The following RIPK4 variants were observed in gnomAD, a reference collection of about 807,000 sequenced individuals.
RIPK4 encodes the protein receptor interacting serine/threonine kinase 4.
RIPK4 carries 17 observed loss-of-function variants against 42.9 expected under a neutral mutation model. The observed-to-expected ratio is 0.40, with a 90% CI of 0.27 to 0.59. The LOEUF is 0.59. RIPK4 is among the 20% of genes least tolerant of loss of function. The probability of loss-of-function intolerance (pLI) is 0.47; values close to 1 mark genes in which losing one functional copy is unlikely to be tolerated. For missense variants in RIPK4, 897 were observed against 1,104.4 expected (o/e 0.81, Z 2.66); for synonymous variants, 498 against 499.1 (o/e 1.00, Z 0.03).
At chr21:41,749,076 A>C in intron 4 of RIPK4, 78 bp downstream of exon 4, 2 of 1,468,444 alleles carry the variant, frequency 1.4e-6, no homozygotes. Flanking sequence ...GTTTTAGGAT[A>C]GAGAAAGGAC....
At chr21:41,750,194 G>T (rs899502528) in intron 3 of RIPK4, among the ~76,000 whole-genome samples, 18 of 152,168 alleles carry the variant, frequency 1.2e-4, no homozygotes, top group African/African-American at 3.9e-4. Flanking sequence ...TGCTGGCGGC[G>T]GCAGTGACCA....
rs1285422997 is a variant in RIPK4, at chr21:41,742,540, G to C, written c.1196-543C>G. Among the ~76,000 whole-genome samples, 1 of 152,178 alleles carries C rather than the reference G, an allele frequency of 6.6e-6. No individual in the cohort carries two copies. Among genetic ancestry groups the C allele is most frequent in the Non-Finnish European group, 1.5e-5 (1 of 68,040 alleles). ...TTTCTATGATAATCCTGAAGGGACC[G>C]AGCTTCTCGTTTCAGGAGGACGTTA... On this transcript the variant is annotated intron_variant, in intron 7 of 7. Coordinates refer to ENST00000332512, the MANE Select transcript of RIPK4 (RefSeq NM_020639.3). The surrounding 1 kb of genome is among the most constrained non-coding windows in gnomAD (Gnocchi z 5.1).
intron 1 of RIPK4, among the ~76,000 whole-genome samples, chr21:41,759,324 C>G (rs903853567): frequency 6.6e-6 from 1 of 152,062 alleles, no homozygotes; most frequent in Non-Finnish European, 1.5e-5. Flanking sequence ...AACTCCTAGG[C>G]TCAAGTGATT....
chr21:41,765,686 C>T (rs1027980169), intron 1 of RIPK4, among the ~76,000 whole-genome samples: 3 of 152,210 alleles, frequency 2.0e-5, no homozygotes, highest in Admixed American at 6.5e-5. Context: ...ACCAGGTCTG[C>T]CAGGCAGCAA....
intron 1 of RIPK4, among the ~76,000 whole-genome samples, chr21:41,758,035 T>C (rs561797494): frequency 1.0e-5 from 1 of 97,292 alleles, no homozygotes; most frequent in Non-Finnish European, 1.9e-5. Context: ...TATATATATA[T>C]ATATATAGAG....
intron 3 of RIPK4, 99 bp downstream of exon 3, chr21:41,750,998 C>T (rs2061186740): frequency 8.9e-6 from 13 of 1,463,150 alleles, no homozygotes; most frequent in Non-Finnish European, 1.2e-5. Context: ...TTCTGACTGG[C>T]AGCAAGAGGC....
At chr21:41,758,076 A>AGAGAGAGAGAGAGAGAG in intron 1 of RIPK4, among the ~76,000 whole-genome samples, 1 of 139,098 alleles carries the variant, frequency 7.2e-6, no homozygotes, top group South Asian at 2.3e-4. Flanking sequence ...AGAGAGAGAG[A>AGAGAGAGAGAGAGAGAG]AAATGTAGTC....
In RIPK4 at chr21:41,741,939, G is replaced by A; in HGVS notation, c.1254C>T (p.Asp418=). Residue 418 remains aspartate, a synonymous_variant, in exon 8 of 8, where the codon GAC becomes GAT. Transcript: ENST00000332512. ...GCAGGATCTTCATCAGTTTGCTGGTGTCCCCGGACACGATGGCATCCACAA... is the reference window on the plus strand; with the variant it reads ...GCAGGATCTTCATCAGTTTGCTGGTATCCCCGGACACGATGGCATCCACAA... ...KKLVDAIVSG[D]TSKLMKILQP... is the part of the protein sequence containing the mutation. 2 of 1,611,730 alleles carry A rather than the reference G, an allele frequency of 1.2e-6. No individual in the cohort carries two copies. Among genetic ancestry groups the A allele is most frequent in the South Asian group, 1.1e-5 (1 of 90,920 alleles).
intron 1 of RIPK4, among the ~76,000 whole-genome samples, chr21:41,762,111 G>A (rs2061222280): frequency 6.6e-6 from 1 of 152,200 alleles, no homozygotes; most frequent in Non-Finnish European, 1.5e-5. Flanking sequence ...CTGCCTGAAG[G>A]GAGCCCGGCA....
chr21:41,749,024 C>A, intron 4 of RIPK4, 130 bp downstream of exon 4: 1 of 911,908 alleles, frequency 1.1e-6, no homozygotes, highest in Non-Finnish European at 1.7e-6. Context: ...ATGCAAATTA[C>A]ACCACAGAGC....
chr21:41,741,153 G>GT lies in RIPK4; in HGVS notation c.2039dup (p.Asn680LysfsTer50). ...GCAGCTTGACAGTGGCCAGGTGTCC[G>GT]TTGCGGGCAGCCAGGTGCAGAGCGG... On this transcript the variant is annotated frameshift_variant, in exon 8 of 8. Coordinates refer to ENST00000332512, the MANE Select transcript of RIPK4 (RefSeq NM_020639.3). LOFTEE classifies it low-confidence loss of function (END_TRUNC). 1 of 1,612,772 alleles carries GT rather than the reference G, an allele frequency of 6.2e-7. No individual in the cohort carries two copies. Among genetic ancestry groups the GT allele is most frequent in the Non-Finnish European group, 8.5e-7 (1 of 1,179,808 alleles).
chr21:41,750,832 C>G (rs967404115), intron 3 of RIPK4, among the ~76,000 whole-genome samples: 5 of 152,208 alleles, frequency 3.3e-5, no homozygotes, highest in African/African-American at 1.2e-4. Flanking sequence ...TGCACGCCAC[C>G]AAGCTGGGCT....
At chr21:41,752,461 C>G (rs1184119591) in intron 2 of RIPK4, among the ~76,000 whole-genome samples, 1 of 151,972 alleles carries the variant, frequency 6.6e-6, no homozygotes, top group Admixed American at 6.5e-5. Context: ...GAGCAGGGAC[C>G]GGCCCTCCTT....
rs748588627 is a variant in RIPK4 at position 41,767,022 on chromosome 21, G to C, written c.20C>G (p.Thr7Ser). The C allele has an allele frequency of 1.3e-6, 2 of 1,581,726 alleles. No homozygotes were observed. The highest frequency in any genetic ancestry group is 3.5e-5 in the Admixed American group (2 of 56,894). ...GCGCAGCAGCGCCAGGGCCCATGGG[G>C]TCCCGCCGTCGCCCTCCATCGCGCA... MEGDGG[T>S]PWALALLRTF... Residue 7 changes from threonine (T) to serine (S), a missense_variant, in exon 1 of 8, where the codon ACC becomes AGC. Physicochemically the swap from Thr to Ser is moderately conservative, Grantham distance 58. Transcript: ENST00000332512. This position sits in a 1 kb window ranked among gnomAD's most constrained non-coding sequence, Gnocchi z 4.0.
At chr21:41,749,340 C>T in intron 3 of RIPK4, 137 bp from the exon 4 acceptor site, 2 of 814,230 alleles carry the variant, frequency 2.5e-6, no homozygotes, top group Non-Finnish European at 4.0e-6. Flanking sequence ...GATATTTCTC[C>T]TGTTTTTAAA....
In RIPK4 at chr21:41,751,195, G is replaced by T; in HGVS notation, c.525C>A (p.Asp175Glu). ...AKCNGLSHSHDLSMDGLFGTI... is the reference protein window; with the variant it reads ...AKCNGLSHSHELSMDGLFGTI... ...TGCCAAACAGGCCATCCATGCTGAGGTCATGCGAGTGGGACAGCCCGTTGC... is the reference window on the plus strand; with the variant it reads ...TGCCAAACAGGCCATCCATGCTGAGTTCATGCGAGTGGGACAGCCCGTTGC... Residue 175 changes from aspartate to glutamate, a missense_variant, in exon 3 of 8, where the codon GAC (aspartate) becomes GAA (glutamate). By Grantham distance (45) the Asp-to-Glu change is conservative. Coordinates refer to ENST00000332512, the MANE Select transcript of RIPK4 (RefSeq NM_020639.3). This position sits in a 1 kb window ranked among gnomAD's most constrained non-coding sequence, Gnocchi z 4.5. The T allele has an allele frequency of 6.2e-7, 1 of 1,614,254 alleles. No individual in the cohort carries two copies.
At position 41,756,782 on chromosome 21, in the gene RIPK4, T is replaced by A; in HGVS notation, c.217A>T (p.Met73Leu). 1 of 1,613,904 alleles carries A rather than the reference T, an allele frequency of 6.2e-7. No individual in the cohort carries two copies. The highest frequency in any genetic ancestry group is 1.1e-5 in the South Asian group (1 of 91,082). Residue 73 changes from methionine to leucine, a missense_variant, in exon 2 of 8, where the codon ATG (methionine) becomes TTG (leucine). Physicochemically the swap from Met to Leu is conservative, Grantham distance 15 (BLOSUM62 2). Coordinates refer to ENST00000332512, the MANE Select transcript of RIPK4 (RefSeq NM_020639.3). ...RMELLEEAKK[M>L]EMAKFRYILP... is the part of the protein sequence containing the mutation. ...ATGTAGCGAAACTTGGCCATCTCCA[T>A]CTTCTTGGCTTCTTCCAAAAGCTCC...
Position 41,753,693 on chromosome 21 carries a change from C to T in RIPK4, c.475-2448G>A, listed in dbSNP as rs553561381. 3.3e-3 allele frequency among the ~76,000 whole-genome samples: 497 copies of T among 152,314 alleles called. 4 individuals carry two copies. Among genetic ancestry groups the T allele is most frequent in the African/African-American group, 0.011 (464 of 41,570 alleles). The stretch of plus-strand genomic sequence containing the variant: ...TGCATCTCCAAGAGCTGAGGGCTCA[C>T]AGCTGCCCCCAAGCACATGGCCCTT... On this transcript the variant is annotated intron_variant, in intron 2 of 7. Coordinates refer to ENST00000332512, the MANE Select transcript of RIPK4 (RefSeq NM_020639.3).
intron 4 of RIPK4, among the ~76,000 whole-genome samples, chr21:41,747,009 C>G (rs548574974): frequency 6.6e-6 from 1 of 152,360 alleles, no homozygotes; most frequent in Non-Finnish European, 1.5e-5. Flanking sequence ...GGGTTCTGAT[C>G]TACCAGAAGG....
Sources: gnomAD v4.1 joint callset for allele counts (sites outside exome capture counted in the v4.1 genomes callset) on GRCh38, gnomAD v4.1.1 for gene constraint, Gnocchi (gnomAD v3.1) non-coding constraint, MANE v1.5 for transcripts, NCBI Gene and HGNC (gene_info 2026-07-23, HGNC 2026-07-21) for gene names.